Variants in RPH3A observed in about 807,000 individuals in gnomAD.
The protein encoded by RPH3A is rabphilin 3A.
RPH3A carries 48 observed loss-of-function variants against 102.2 expected under a neutral mutation model. The ratio of observed to expected loss-of-function variants is 0.47; its 90% CI spans 0.37 to 0.60. RPH3A has a LOEUF of 0.60. Among genes scored for constraint, RPH3A ranks in the 20% least tolerant of loss-of-function variants. The probability of loss-of-function intolerance (pLI) is 0.00; values close to 1 mark genes in which losing one functional copy is unlikely to be tolerated. For synonymous variants in RPH3A, 310 were observed against 324.3 expected (o/e 0.96, Z 0.47); for missense variants, 781 against 910.1 (o/e 0.86, Z 1.83).
intron 1 of RPH3A, among the ~76,000 whole-genome samples, chr12:112,595,166 A>G (rs200733404): frequency 2.6e-3 from 45 of 17,146 alleles, no homozygotes; most frequent in Admixed American, 0.025. Context: ...AATAACTGCT[A>G]AATTCAGTGA....
intron 1 of RPH3A, among the ~76,000 whole-genome samples, chr12:112,769,134 A>T (rs1291881295): frequency 2.6e-5 from 4 of 152,200 alleles, no homozygotes; most frequent in Middle Eastern, 3.2e-3. Context: ...TTTTGACTGA[A>T]TAAATAAATG....
intron 21 of RPH3A, 33 bp from the exon 22 acceptor site, chr12:112,896,617 C>T: frequency 6.2e-7 from 1 of 1,613,142 alleles, no homozygotes; most frequent in Non-Finnish European, 8.5e-7. Flanking sequence ...TCTATTCTGA[C>T]CACCTGCTCC....
chr12:112,818,968 G>T lies in RPH3A; in HGVS notation c.-18-9333G>T, dbSNP rs1174826671. ...CTTGGAAAACACTTTAAATTACAAG[G>T]CCCCTTCACATGAATTAACTCATTG... On this transcript the variant is annotated intron_variant, in intron 2 of 21. Coordinates refer to ENST00000389385, the MANE Select transcript of RPH3A (RefSeq NM_001143854.2). Among the ~76,000 whole-genome samples the T allele has an allele frequency of 5.3e-5, 8 of 151,792 alleles. No homozygotes were observed. The East Asian group carries it at 5.8e-4, about 11-fold the overall frequency.
At chr12:112,763,512 A>G (rs2040868296) in intron 1 of RPH3A, among the ~76,000 whole-genome samples, 1 of 152,260 alleles carries the variant, frequency 6.6e-6, no homozygotes, top group African/African-American at 2.4e-5. Context: ...GTGGATTCAA[A>G]GATTTTCCAA....
intron 1 of RPH3A, among the ~76,000 whole-genome samples, chr12:112,711,842 CT>C (rs1297322256): frequency 6.6e-6 from 1 of 151,854 alleles, no homozygotes; most frequent in African/African-American, 2.4e-5. Flanking sequence ...CAATTTTTTT[CT>C]TTTTTTGAGA....
chr12:112,847,450 C>G (rs967826267), intron 4 of RPH3A, among the ~76,000 whole-genome samples: 1 of 152,158 alleles, frequency 6.6e-6, no homozygotes, highest in Non-Finnish European at 1.5e-5. Flanking sequence ...AATATCTTTA[C>G]CCTCCAGGTT....
At chr12:112,707,021 C>G (rs543886909) in intron 1 of RPH3A, among the ~76,000 whole-genome samples, 1 of 152,136 alleles carries the variant, frequency 6.6e-6, no homozygotes, top group Non-Finnish European at 1.5e-5. Flanking sequence ...GGGCTTTGTA[C>G]CCCAAGAGGC....
intron 4 of RPH3A, among the ~76,000 whole-genome samples, chr12:112,844,735 T>C (rs546957248): frequency 2.6e-5 from 4 of 152,360 alleles, no homozygotes; most frequent in African/African-American, 9.6e-5. Context: ...CCTAGTTATC[T>C]GATAACAAAT....
chr12:112,621,072 G>C (rs1592911311), intron 1 of RPH3A, among the ~76,000 whole-genome samples: 1 of 150,294 alleles, frequency 6.7e-6, no homozygotes, highest in East Asian at 2.0e-4. Flanking sequence ...TGAACTCCTA[G>C]GCTCAAGCAA....
chr12:112,657,500 T>A (rs1166489367), intron 1 of RPH3A, among the ~76,000 whole-genome samples: 1 of 152,202 alleles, frequency 6.6e-6, no homozygotes, highest in South Asian at 2.1e-4. Flanking sequence ...TTCATACAAC[T>A]GATGGCATAA....
chr12:112,797,986 G>T (rs929035481), intron 2 of RPH3A, among the ~76,000 whole-genome samples: 2 of 152,196 alleles, frequency 1.3e-5, no homozygotes, highest in East Asian at 3.8e-4. Flanking sequence ...ACTGCACCCA[G>T]CCAAAAGTGA....
intron 1 of RPH3A, among the ~76,000 whole-genome samples, chr12:112,598,738 TAGC>T (rs560942126): frequency 0.021 from 3,232 of 152,046 alleles, 45 homozygotes; most frequent in Non-Finnish European, 0.03. Context: ...AAGTTACCAA[TAGC>T]AGCAGCAGCA....
chr12:112,754,899 T>G (rs917502466), intron 1 of RPH3A, among the ~76,000 whole-genome samples: 1 of 152,204 alleles, frequency 6.6e-6, no homozygotes, highest in African/African-American at 2.4e-5. Context: ...ACTAATTACA[T>G]CTGAATCTCT....
At chr12:112,770,665 A>G (rs1451871876) in intron 1 of RPH3A, among the ~76,000 whole-genome samples, 1 of 152,152 alleles carries the variant, frequency 6.6e-6, no homozygotes, top group African/African-American at 2.4e-5. Flanking sequence ...TAGAGGACTT[A>G]AACAAGTTAA....
intron 5 of RPH3A, among the ~76,000 whole-genome samples, chr12:112,848,890 C>G (rs975128297): frequency 2.0e-5 from 3 of 151,940 alleles, no homozygotes; most frequent in Non-Finnish European, 4.4e-5. Context: ...TTGGAGGACT[C>G]TTGGTATAAA....
intron 2 of RPH3A, among the ~76,000 whole-genome samples, chr12:112,802,971 G>A (rs894356753): frequency 6.6e-6 from 1 of 152,210 alleles, no homozygotes. Context: ...AGCTCCAGCG[G>A]CTGGAAGTGG....
chr12:112,595,339 A>C lies in RPH3A; in HGVS notation c.-140+20020A>C, dbSNP rs564688566. Among the ~76,000 whole-genome samples, 7 of 152,298 alleles carry C rather than the reference A, an allele frequency of 4.6e-5. No homozygotes were observed. In the East Asian group the frequency reaches 1.2e-3, roughly 25 times the overall value. On this transcript the variant is annotated intron_variant, in intron 1 of 21. Transcript: ENST00000543106. ...ATGGGGAAACTGAGTCAAGAGCATA[A>C]CCTAGCCTAACCTGACATGATAAGC...
intron 1 of RPH3A, among the ~76,000 whole-genome samples, chr12:112,642,373 T>C (rs1285219511): frequency 6.6e-6 from 1 of 152,156 alleles, no homozygotes; most frequent in South Asian, 2.1e-4. Context: ...ATTTAGCAAA[T>C]AAAAATTCAG....
At chr12:112,709,657 C>T (rs760522869) in intron 1 of RPH3A, among the ~76,000 whole-genome samples, 20 of 152,030 alleles carry the variant, frequency 1.3e-4, no homozygotes, top group Non-Finnish European at 2.4e-4. Context: ...AGGCACTGTG[C>T]TATATACCAG....
Sources: allele counts gnomAD v4.1 joint callset (sites outside exome capture counted in the v4.1 genomes callset), GRCh38; gene constraint gnomAD v4.1.1; transcripts MANE v1.5; gene names NCBI Gene and HGNC (gene_info 2026-07-23, HGNC 2026-07-21).